The following PCDH9 variants were observed in gnomAD, a reference collection of about 807,000 sequenced individuals.
The protein encoded by PCDH9 is protocadherin-9.
Under a neutral mutation model 70.6 loss-of-function variants are expected in PCDH9, and 24 were observed. That is an observed-to-expected ratio of 0.34 (90% CI 0.25 to 0.48). PCDH9 has a LOEUF of 0.48. PCDH9 is among the 20% of genes least tolerant of loss of function. The pLI, the probability that PCDH9 is intolerant of heterozygous loss-of-function variation, is 0.99. For missense variants in PCDH9, 1,281 were observed against 1,503.6 expected, an observed-to-expected ratio of 0.85 and a Z score of 2.45; for synonymous variants, 562 against 558.5, an observed-to-expected ratio of 1.01 and a Z score of -0.09.
At chr13:67,005,241 T>A (rs1183690579) in intron 2 of PCDH9, among the ~76,000 whole-genome samples, 2 of 148,762 alleles carry the variant, frequency 1.3e-5, no homozygotes, top group African/African-American at 2.5e-5. Flanking sequence ...CTGATCTCTT[T>A]AAAAAAAAAA....
At chr13:66,604,171 C>T (rs982904632) in intron 4 of PCDH9, among the ~76,000 whole-genome samples, 14 of 152,002 alleles carry the variant, frequency 9.2e-5, no homozygotes, top group Admixed American at 7.2e-4. Context: ...TTCTCTTATG[C>T]TTTCTTTGAC....
chr13:66,492,182 A>G (rs1328534711), intron 4 of PCDH9, among the ~76,000 whole-genome samples: 5 of 152,086 alleles, frequency 3.3e-5, no homozygotes, highest in Non-Finnish European at 5.9e-5. Flanking sequence ...TTATATTTAT[A>G]GTTGTTGTGA....
chr13:66,668,756 A>G (rs548668872), intron 3 of PCDH9, among the ~76,000 whole-genome samples: 311 of 152,232 alleles, frequency 2.0e-3, no homozygotes, highest in African/African-American at 7.2e-3. Context: ...TCTCTCTCTC[A>G]CTTCTTTGCA....
At chr13:66,740,524 AC>A (rs1292462744) in intron 3 of PCDH9, among the ~76,000 whole-genome samples, 2 of 144,752 alleles carry the variant, frequency 1.4e-5, no homozygotes, top group African/African-American at 5.0e-5. Context: ...GACACAAAAA[AC>A]CCTTCAAAAA....
chr13:66,425,755 C>T (rs1957657560), intron 4 of PCDH9, among the ~76,000 whole-genome samples: 1 of 151,636 alleles, frequency 6.6e-6, no homozygotes, highest in South Asian at 2.1e-4. Context: ...AGTTTTTATA[C>T]AGAATCATTC....
chr13:66,989,871 T>G (rs2083966929), intron 2 of PCDH9, among the ~76,000 whole-genome samples: 1 of 151,756 alleles, frequency 6.6e-6, no homozygotes, highest in South Asian at 2.1e-4. Context: ...CTAACAGCAT[T>G]TTTACCTGCA....
At position 66,497,814 on chromosome 13, in the gene PCDH9, CTT is replaced by C. The variant is rs763360211; in HGVS notation, c.3340+133394_3340+133395del. ...AGAAAAAGTGCTATACACACTCTTA[CTT>C]TTTTTTTTTTTTTTTTTTTTGAGAT... On this transcript the variant is annotated intron_variant, in intron 4 of 4. Transcript: ENST00000377865. Among the ~76,000 whole-genome samples the C allele has an allele frequency of 2.3e-3, 258 of 111,292 alleles. 1 individual carries two copies. The highest frequency in any genetic ancestry group is 6.2e-3 in the African/African-American group (196 of 31,722). 73.0% of individuals were successfully genotyped at this position (111,292 alleles called of 152,430 possible). A position where few individuals can be genotyped will look rare whatever the true frequency, so the allele number is the denominator to read the frequency against.
intron 2 of PCDH9, among the ~76,000 whole-genome samples, chr13:67,143,658 T>C (rs899558177): frequency 6.6e-6 from 1 of 152,056 alleles, no homozygotes; most frequent in Non-Finnish European, 1.5e-5. Flanking sequence ...TTCTTCTCTG[T>C]TGGGCTTACA....
chr13:66,445,566 GT>G (rs1958065333), intron 4 of PCDH9, among the ~76,000 whole-genome samples: 1 of 127,742 alleles, frequency 7.8e-6, no homozygotes, highest in African/African-American at 3.1e-5. Flanking sequence ...TAATATATAC[GT>G]GTATATATTA....
chr13:67,145,380 GTTCT>G (rs1187200902), intron 2 of PCDH9, among the ~76,000 whole-genome samples: 3 of 151,698 alleles, frequency 2.0e-5, no homozygotes, highest in South Asian at 2.1e-4. Flanking sequence ...AATTTTTTTT[GTTCT>G]TTCTTTCTCA....
At chr13:66,623,654 G>A (rs1036492608) in intron 4 of PCDH9, among the ~76,000 whole-genome samples, 1 of 152,124 alleles carries the variant, frequency 6.6e-6, no homozygotes, top group Non-Finnish European at 1.5e-5. Context: ...TGCTCAGCCT[G>A]GTCTCCAACT....
At chr13:66,614,352 A>AT (rs1445993265) in intron 4 of PCDH9, among the ~76,000 whole-genome samples, 1 of 152,224 alleles carries the variant, frequency 6.6e-6, no homozygotes, top group African/African-American at 2.4e-5. Flanking sequence ...AAAAAAGGGT[A>AT]TTTATGGTTT....
At chr13:66,872,104 T>C (rs1356737806) in intron 3 of PCDH9, among the ~76,000 whole-genome samples, 1 of 152,130 alleles carries the variant, frequency 6.6e-6, no homozygotes, top group Non-Finnish European at 1.5e-5. Flanking sequence ...AGAGTCCCCA[T>C]AAAGGACATA....
At chr13:66,420,987 T>C (rs563561134) in intron 4 of PCDH9, among the ~76,000 whole-genome samples, 45 of 151,856 alleles carry the variant, frequency 3.0e-4, no homozygotes, top group Non-Finnish European at 5.6e-4. Flanking sequence ...GACAAGAACA[T>C]AAATGACCTG....
At chr13:66,846,933 A>T (rs938295207) in intron 3 of PCDH9, among the ~76,000 whole-genome samples, 7 of 151,728 alleles carry the variant, frequency 4.6e-5, no homozygotes, top group Non-Finnish European at 1.0e-4. Context: ...TATATCACTA[A>T]ATCCAGTTTT....
chr13:66,834,635 C>T (rs1160684081), intron 3 of PCDH9, among the ~76,000 whole-genome samples: 1 of 152,168 alleles, frequency 6.6e-6, no homozygotes, highest in Non-Finnish European at 1.5e-5. Flanking sequence ...AGCTATTTAA[C>T]ACTAACTGTA....
chr13:66,395,317 G>A (rs568059578), intron 4 of PCDH9, among the ~76,000 whole-genome samples: 2 of 152,188 alleles, frequency 1.3e-5, no homozygotes, highest in East Asian at 3.9e-4. Context: ...AATAAACTGA[G>A]TTTGGCCGGG....
chr13:66,724,477 A>C (rs1270018984), intron 3 of PCDH9, among the ~76,000 whole-genome samples: 2 of 152,158 alleles, frequency 1.3e-5, no homozygotes, highest in Non-Finnish European at 2.9e-5. Flanking sequence ...TACTCCCATG[A>C]CTATCTTATC....
intron 4 of PCDH9, among the ~76,000 whole-genome samples, chr13:66,448,803 T>C (rs1264852321): frequency 6.6e-6 from 1 of 150,474 alleles, no homozygotes; most frequent in East Asian, 2.0e-4. Flanking sequence ...AAATAAGTTT[T>C]TGTAGTCATA....
Sources: gnomAD v4.1 joint callset for allele counts (sites outside exome capture counted in the v4.1 genomes callset) on GRCh38, gnomAD v4.1.1 for gene constraint, MANE v1.5 for transcripts, NCBI Gene and HGNC (gene_info 2026-07-23, HGNC 2026-07-21) for gene names.